Variants in SAMMSON observed in about 807,000 individuals in gnomAD.
SAMMSON encodes long intergenic non-protein coding RNA 1212.
chr3:70,293,639 A>AT (rs113329006), intron 7 of SAMMSON, among the ~76,000 whole-genome samples: 3 of 152,068 alleles, frequency 2.0e-5, no homozygotes, highest in African/African-American at 7.2e-5. Flanking sequence ...CAAATAAGAC[A>AT]TTTTTTTGTA....
chr3:70,274,525 T>A (rs892759634), intron 6 of SAMMSON, among the ~76,000 whole-genome samples: 4 of 152,118 alleles, frequency 2.6e-5, no homozygotes, highest in Non-Finnish European at 5.9e-5. Flanking sequence ...AACTTCCAAA[T>A]TGAACAGAAA....
At chr3:70,243,477 T>C (rs1400130130) in intron 4 of SAMMSON, among the ~76,000 whole-genome samples, 2 of 152,194 alleles carry the variant, frequency 1.3e-5, no homozygotes, top group South Asian at 2.1e-4. Context: ...ACTGCACTGC[T>C]GCTGAATGTG....
rs2107583414 is a variant in SAMMSON, at chr3:70,029,492, G to T, written n.417+15820G>T. Reference sequence around the variant, plus strand: ...AATTTGGCGGGGCGTGGTAGCTCATGCCTGTAATGCTCCCAGTTTGGGAGG... The same window carrying T: ...AATTTGGCGGGGCGTGGTAGCTCATTCCTGTAATGCTCCCAGTTTGGGAGG... On this transcript the variant is annotated intron_variant and non_coding_transcript_variant, in intron 3 of 9. Coordinates refer to ENST00000642114, the Ensembl canonical transcript of SAMMSON. Among the ~76,000 whole-genome samples, 2 of 152,202 alleles carry T rather than the reference G, an allele frequency of 1.3e-5. 1 individual carries two copies. Among genetic ancestry groups the T allele is most frequent in the African/African-American group, 4.8e-5 (2 of 41,550 alleles).
At chr3:70,326,023 A>G (rs1480078051) in intron 7 of SAMMSON, among the ~76,000 whole-genome samples, 1 of 152,164 alleles carries the variant, frequency 6.6e-6, no homozygotes, top group Non-Finnish European at 1.5e-5. Context: ...TCAGAACTCT[A>G]GTAAAATTGA....
At chr3:70,241,142 T>A (rs890897993) in intron 4 of SAMMSON, among the ~76,000 whole-genome samples, 1 of 152,172 alleles carries the variant, frequency 6.6e-6, no homozygotes, top group African/African-American at 2.4e-5. Flanking sequence ...TACGGGCTGA[T>A]AAATTTATCA....
At chr3:70,095,306 T>C (rs1327430519) in intron 4 of SAMMSON, among the ~76,000 whole-genome samples, 2 of 152,200 alleles carry the variant, frequency 1.3e-5, no homozygotes, top group Admixed American at 1.3e-4. Flanking sequence ...GCTGTGTTTT[T>C]AAGCTACTTT....
chr3:70,412,876 A>G, intron 2 of SAMMSON, among the ~76,000 whole-genome samples: 1 of 152,142 alleles, frequency 6.6e-6, no homozygotes, highest in East Asian at 1.9e-4. Flanking sequence ...TAATTATTCT[A>G]ATTCTCAGCT....
chr3:70,021,682 A>T (rs952894041), intron 3 of SAMMSON, among the ~76,000 whole-genome samples: 2 of 152,206 alleles, frequency 1.3e-5, no homozygotes, highest in Admixed American at 6.5e-5. Context: ...TAACAGGGAA[A>T]AAAACCCATC....
At chr3:70,064,672 T>C (rs529529068) in intron 3 of SAMMSON, among the ~76,000 whole-genome samples, 1 of 152,214 alleles carries the variant, frequency 6.6e-6, no homozygotes, top group African/African-American at 2.4e-5. Flanking sequence ...AGAAAGCTGT[T>C]AGAGGCAGGA....
At chr3:70,244,412 G>A (rs369281296) in intron 4 of SAMMSON, among the ~76,000 whole-genome samples, 1 of 152,072 alleles carries the variant, frequency 6.6e-6, no homozygotes, top group Non-Finnish European at 1.5e-5. Flanking sequence ...CATTCTATTT[G>A]CTACTGAAAT....
intron 3 of SAMMSON, among the ~76,000 whole-genome samples, chr3:70,016,862 G>C (rs1254813434): frequency 6.6e-6 from 1 of 152,066 alleles, no homozygotes; most frequent in Non-Finnish European, 1.5e-5. Flanking sequence ...CCCATTTCTT[G>C]TTTTTGTCAG....
At chr3:70,085,559 A>G (rs1240183698) in intron 4 of SAMMSON, among the ~76,000 whole-genome samples, 2 of 152,192 alleles carry the variant, frequency 1.3e-5, no homozygotes, top group African/African-American at 2.4e-5. Context: ...CCAAGTTCAC[A>G]TTAAATTCAC....
chr3:70,383,110 G>A (rs1703087236), intron 9 of SAMMSON, among the ~76,000 whole-genome samples: 1 of 151,984 alleles, frequency 6.6e-6, no homozygotes, highest in African/African-American at 2.4e-5. Context: ...TGGACATGGG[G>A]AATCCCAAAG....
intron 4 of SAMMSON, among the ~76,000 whole-genome samples, chr3:70,232,998 G>T (rs563042322): frequency 6.6e-6 from 1 of 152,144 alleles, no homozygotes; most frequent in South Asian, 2.1e-4. Context: ...AGACCAGCCT[G>T]GTTATCATGG....
At chr3:70,245,147 A>C (rs1488512594) in intron 4 of SAMMSON, among the ~76,000 whole-genome samples, 1 of 152,170 alleles carries the variant, frequency 6.6e-6, no homozygotes, top group East Asian at 1.9e-4. Context: ...TCATTCATTT[A>C]GAAAATACAT....
chr3:70,123,639 A>G (rs1354839889), intron 4 of SAMMSON, among the ~76,000 whole-genome samples: 1 of 152,238 alleles, frequency 6.6e-6, no homozygotes, highest in Non-Finnish European at 1.5e-5. Context: ...GCGTTCAGCC[A>G]TGCTTGGAAA....
chr3:70,399,650 G>A (rs1701122712), intron 2 of SAMMSON, among the ~76,000 whole-genome samples: 1 of 152,088 alleles, frequency 6.6e-6, no homozygotes, highest in South Asian at 2.1e-4. Flanking sequence ...TGGATCACCT[G>A]AGGTCAGGAG....
intron 4 of SAMMSON, among the ~76,000 whole-genome samples, chr3:70,219,630 T>G (rs1701444374): frequency 6.6e-6 from 1 of 152,176 alleles, no homozygotes; most frequent in African/African-American, 2.4e-5. Flanking sequence ...AAGGGACATG[T>G]GTGAACCAAG....
At chr3:70,072,859 CTT>C (rs1260484318) in intron 4 of SAMMSON, among the ~76,000 whole-genome samples, 7 of 151,916 alleles carry the variant, frequency 4.6e-5, no homozygotes, top group Non-Finnish European at 8.8e-5. Flanking sequence ...CAGATTGAAA[CTT>C]ATCATTTCTT....
Sources: allele counts gnomAD v4.1 joint callset (sites outside exome capture counted in the v4.1 genomes callset), GRCh38; gene constraint gnomAD v4.1.1; transcripts MANE v1.5; gene names NCBI Gene and HGNC (gene_info 2026-07-23, HGNC 2026-07-21).